Variants in MAPK10 observed in about 807,000 individuals in gnomAD.
MAPK10 encodes the protein mitogen-activated protein kinase 10.
A neutral mutation model predicts 59.3 loss-of-function variants in MAPK10; 25 were observed. The observed-to-expected ratio is 0.42, with a 90% CI of 0.31 to 0.59. MAPK10 has a LOEUF of 0.59. Among genes scored for constraint, MAPK10 ranks in the 20% least tolerant of loss-of-function variants. MAPK10 has a pLI of 0.15. For synonymous variants in MAPK10, 190 were observed against 200.5 expected, an observed-to-expected ratio of 0.95 and a Z score of 0.44; for missense variants, 351 against 568.9, an observed-to-expected ratio of 0.62 and a Z score of 3.90.
intron 2 of MAPK10, among the ~76,000 whole-genome samples, chr4:86,260,388 C>G (rs778162978): frequency 7.9e-5 from 12 of 152,078 alleles, no homozygotes; most frequent in Non-Finnish European, 1.5e-4. Context: ...TGCTAAACTT[C>G]CAACAGTGGT....
chr4:86,123,050 T>A (rs1486804148), intron 4 of MAPK10, among the ~76,000 whole-genome samples: 1 of 152,102 alleles, frequency 6.6e-6, no homozygotes, highest in Non-Finnish European at 1.5e-5. Context: ...TACAAGTTTA[T>A]TCTGGTGCAA....
At chr4:86,278,202 G>T (rs1345273797) in intron 2 of MAPK10, among the ~76,000 whole-genome samples, 1 of 152,128 alleles carries the variant, frequency 6.6e-6, no homozygotes, top group Non-Finnish European at 1.5e-5. Flanking sequence ...TTGGTCTGAA[G>T]TTCTTACTAA....
At chr4:86,268,794 T>C (rs1199730677) in intron 2 of MAPK10, among the ~76,000 whole-genome samples, 3 of 152,204 alleles carry the variant, frequency 2.0e-5, no homozygotes, top group African/African-American at 7.2e-5. Context: ...TGTCACTTTC[T>C]TGTATATTAT....
At chr4:86,057,689 A>G (rs2044874779) in intron 11 of MAPK10, among the ~76,000 whole-genome samples, 1 of 150,100 alleles carries the variant, frequency 6.7e-6, no homozygotes, top group Non-Finnish European at 1.5e-5. Context: ...GTCAATATTT[A>G]TAGAATAAGT....
intron 3 of MAPK10, among the ~76,000 whole-genome samples, chr4:86,174,963 A>C (rs900814940): frequency 2.0e-5 from 3 of 152,106 alleles, no homozygotes; most frequent in African/African-American, 7.2e-5. Flanking sequence ...CCTCATTATC[A>C]CAATGATCTA....
intron 1 of MAPK10, among the ~76,000 whole-genome samples, chr4:86,517,900 T>A (rs1254175899): frequency 6.6e-6 from 1 of 152,242 alleles, no homozygotes; most frequent in Non-Finnish European, 1.5e-5. Context: ...TGTGAATCCA[T>A]CTGGTCCTGA....
At chr4:86,136,066 AC>A (rs1474852861) in intron 4 of MAPK10, among the ~76,000 whole-genome samples, 6 of 152,352 alleles carry the variant, frequency 3.9e-5, no homozygotes, top group Admixed American at 3.9e-4. Flanking sequence ...TGATTGGTGT[AC>A]CTGAAAGTGA....
chr4:86,379,014 A>G (rs945815890), intron 1 of MAPK10, among the ~76,000 whole-genome samples: 1 of 152,184 alleles, frequency 6.6e-6, no homozygotes, highest in Non-Finnish European at 1.5e-5. Context: ...GTCTGGTGGG[A>G]TGAGGTAAGG....
At chr4:86,426,287 A>C (rs911007171) in intron 1 of MAPK10, among the ~76,000 whole-genome samples, 1 of 152,236 alleles carries the variant, frequency 6.6e-6, no homozygotes, top group African/African-American at 2.4e-5. Flanking sequence ...TTGGTCTGCC[A>C]CTATGGATTG....
At chr4:86,564,332 T>C (rs1213902202) in intron 1 of MAPK10, among the ~76,000 whole-genome samples, 1 of 152,148 alleles carries the variant, frequency 6.6e-6, no homozygotes, top group East Asian at 1.9e-4. Context: ...TGGAAAGGCA[T>C]TGGATGTATG....
At chr4:86,103,133 T>C in intron 6 of MAPK10, 53 bp downstream of exon 6, 1 of 1,152,874 alleles carries the variant, frequency 8.7e-7, no homozygotes, top group Non-Finnish European at 1.3e-6. Context: ...TGATTTTCCC[T>C]TGGGCTATCT....
chr4:86,374,988 C>T (rs1205992608), intron 1 of MAPK10, among the ~76,000 whole-genome samples: 1 of 152,198 alleles, frequency 6.6e-6, no homozygotes, highest in African/African-American at 2.4e-5. Flanking sequence ...TCTACATGAT[C>T]AAGACAAAAA....
intron 2 of MAPK10, among the ~76,000 whole-genome samples, chr4:86,296,501 A>C (rs2095364580): frequency 6.6e-6 from 1 of 152,208 alleles, no homozygotes; most frequent in Non-Finnish European, 1.5e-5. Flanking sequence ...ATAAAATGGA[A>C]CCAGCAGATA....
intron 8 of MAPK10, chr4:86,099,055 T>TCAGGGGGC (rs1482637745): frequency 6.5e-6 from 1 of 153,312 alleles, no homozygotes; most frequent in African/African-American, 2.4e-5. Context: ...ACCTTTTTTT[T>TCAGGGGGC]CAGGGGGCCA....
chr4:86,215,950 C>G (rs1056784614), intron 2 of MAPK10, among the ~76,000 whole-genome samples: 1 of 152,036 alleles, frequency 6.6e-6, no homozygotes, highest in Admixed American at 6.6e-5. Context: ...ACCAAACAAT[C>G]AAAACTACAG....
intron 2 of MAPK10, among the ~76,000 whole-genome samples, chr4:86,215,340 A>G (rs1317031720): frequency 6.6e-6 from 1 of 152,224 alleles, no homozygotes; most frequent in African/African-American, 2.4e-5. Context: ...CCTTCACAAT[A>G]TTGGATTGTC....
chr4:86,218,513 G>T (rs1349184845), intron 2 of MAPK10, among the ~76,000 whole-genome samples: 1 of 146,582 alleles, frequency 6.8e-6, no homozygotes, highest in Admixed American at 6.9e-5. Context: ...TTGTAAGGAT[G>T]GCCTTTCAAA....
intron 9 of MAPK10, among the ~76,000 whole-genome samples, chr4:86,089,795 A>G (rs2052722396): frequency 6.6e-6 from 1 of 152,190 alleles, no homozygotes; most frequent in South Asian, 2.1e-4. Flanking sequence ...AGCCAGTTCA[A>G]GAATGAATGT....
chr4:86,210,852 T>A, intron 2 of MAPK10, among the ~76,000 whole-genome samples: 1 of 145,706 alleles, frequency 6.9e-6, no homozygotes, highest in African/African-American at 2.5e-5. Context: ...GTCAAGAAAA[T>A]AACATATTAA....
Sources: allele counts gnomAD v4.1 joint callset (sites outside exome capture counted in the v4.1 genomes callset), GRCh38; gene constraint gnomAD v4.1.1; transcripts MANE v1.5; gene names NCBI Gene and HGNC (gene_info 2026-07-23, HGNC 2026-07-21).